ARIH1: variants seen among roughly 807,000 people sequenced by gnomAD.
ARIH1 encodes ariadne RBR E3 ubiquitin protein ligase 1.
In ARIH1, 8 loss-of-function variants were observed where a neutral mutation model predicts 85.0. The ratio of observed to expected loss-of-function variants is 0.09; its 90% CI spans 0.06 to 0.17. ARIH1 has a LOEUF of 0.17. Among genes scored for constraint, ARIH1 ranks in the 10% least tolerant of loss-of-function variants. ARIH1 has a pLI of 1.00. For synonymous variants in ARIH1, 238 were observed against 253.6 expected (o/e 0.94, Z 0.59); for missense variants, 311 against 718.1 (o/e 0.43, Z 6.48).
In ARIH1 at chr15:72,585,665, C is replaced by G. The variant is rs1225841725; in HGVS notation, c.*2373C>G. Reference sequence around the variant, plus strand: ...AGTCTTCACCCATGGAGGAACAGTGCTTTTTAGAGATGCTTTCTATTTCAA... The same window carrying G: ...AGTCTTCACCCATGGAGGAACAGTGGTTTTTAGAGATGCTTTCTATTTCAA... On this transcript the variant is annotated 3_prime_UTR_variant, in exon 14 of 14. Transcript: ENST00000379887. 1 of 152,158 alleles carries G rather than the reference C, an allele frequency of 6.6e-6. No individual in the cohort carries two copies. The highest frequency in any genetic ancestry group is 1.5e-5 in the Non-Finnish European group (1 of 68,022). 9.4% of individuals were successfully genotyped at this position (152,158 alleles called of 1,614,324 possible). A position where few individuals can be genotyped will look rare whatever the true frequency, so the allele number is the denominator to read the frequency against.
At chr15:72,532,846 A>G (rs1470432764) in intron 2 of ARIH1, among the ~76,000 whole-genome samples, 1 of 152,260 alleles carries the variant, frequency 6.6e-6, no homozygotes, top group Non-Finnish European at 1.5e-5. Context: ...GATGAGAAAA[A>G]CATTTCAGAG....
At chr15:72,505,181 G>A (rs1460059955) in intron 1 of ARIH1, among the ~76,000 whole-genome samples, 4 of 152,156 alleles carry the variant, frequency 2.6e-5, no homozygotes, top group Non-Finnish European at 5.9e-5. Flanking sequence ...TGGCTGTTGG[G>A]ACCTGGGATT....
intron 7 of ARIH1, 136 bp downstream of exon 7, chr15:72,563,636 T>C: frequency 1.5e-6 from 1 of 670,152 alleles, no homozygotes; most frequent in East Asian, 2.9e-5. Flanking sequence ...TAAAATAGTA[T>C]ATATCTCTTT....
At chr15:72,479,554 G>C (rs1197031614) in intron 1 of ARIH1, among the ~76,000 whole-genome samples, 1 of 150,910 alleles carries the variant, frequency 6.6e-6, no homozygotes, top group Non-Finnish European at 1.5e-5. Flanking sequence ...GACTACAGGT[G>C]CGCGCCACCA....
At chr15:72,491,548 CAG>C (rs1231166933) in intron 1 of ARIH1, among the ~76,000 whole-genome samples, 1 of 152,066 alleles carries the variant, frequency 6.6e-6, no homozygotes, top group Non-Finnish European at 1.5e-5. Context: ...AGTGAAAAGT[CAG>C]ATATGAATGA....
Position 72,589,045 on chromosome 15 carries a change from T to C in ARIH1, c.*5753T>C, listed in dbSNP as rs1375992027. On this transcript the variant is annotated 3_prime_UTR_variant, in exon 14 of 14. Coordinates refer to ENST00000379887, the MANE Select transcript of ARIH1 (RefSeq NM_005744.5). The stretch of plus-strand genomic sequence containing the variant: ...ATAGTAGTAAGAATATTGGTATTTC[T>C]CAGCCATAGATTTCCCTTTTGTAAA... 6.6e-6 allele frequency: 1 copy of C among 152,216 alleles called. No individual in the cohort carries two copies. Among genetic ancestry groups the C allele is most frequent in the Non-Finnish European group, 1.5e-5 (1 of 68,038 alleles). 9.4% of individuals were successfully genotyped at this position (152,216 alleles called of 1,614,324 possible). A position where few individuals can be genotyped will look rare whatever the true frequency, so the allele number is the denominator to read the frequency against.
intron 1 of ARIH1, among the ~76,000 whole-genome samples, chr15:72,486,483 T>C (rs2063837895): frequency 6.6e-6 from 1 of 152,150 alleles, no homozygotes; most frequent in Non-Finnish European, 1.5e-5. Flanking sequence ...ACTGAGGGTC[T>C]TGGGACATGT....
intron 2 of ARIH1, among the ~76,000 whole-genome samples, chr15:72,526,149 G>A (rs931380513): frequency 6.6e-6 from 1 of 151,930 alleles, no homozygotes; most frequent in African/African-American, 2.4e-5. Flanking sequence ...TCCTTATTTC[G>A]ATATATTTAA....
intron 11 of ARIH1, among the ~76,000 whole-genome samples, chr15:72,577,146 C>G (rs2064275356): frequency 6.6e-6 from 1 of 151,836 alleles, no homozygotes; most frequent in Admixed American, 6.6e-5. Context: ...CCATGCCTGG[C>G]TAATTTTTTT....
chr15:72,500,666 C>T (rs1366785044), intron 1 of ARIH1, among the ~76,000 whole-genome samples: 3 of 152,042 alleles, frequency 2.0e-5, no homozygotes, highest in East Asian at 3.8e-4. Context: ...GTGCATGTAG[C>T]GTGCCAGATC....
chr15:72,561,555 T>C lies in ARIH1; in HGVS notation c.804+6T>C. On this transcript the variant is annotated splice_donor_region_variant and intron_variant, in intron 6 of 13. Transcript: ENST00000379887. ...TAACAAATAGCTTTGTAGAGGTAAG[T>C]GATTTGTTTTCCTTCTTGTAAGAAG... The C allele has an allele frequency of 6.6e-7, 1 of 1,506,708 alleles. No individual in the cohort carries two copies. Among genetic ancestry groups the C allele is most frequent in the Non-Finnish European group, 9.1e-7 (1 of 1,100,490 alleles). The allele number at this position is 1,506,708 out of a possible 1,614,324, so 93.3% of individuals were successfully genotyped here. A position where few individuals can be genotyped will look rare whatever the true frequency, so the allele number is the denominator to read the frequency against.
At chr15:72,483,167 A>G (rs890397422) in intron 1 of ARIH1, among the ~76,000 whole-genome samples, 22 of 151,988 alleles carry the variant, frequency 1.4e-4, no homozygotes, top group African/African-American at 5.3e-4. Flanking sequence ...TGGCCTGGGT[A>G]GCAGTCCTCA....
intron 10 of ARIH1, among the ~76,000 whole-genome samples, chr15:72,570,784 A>G (rs1244957842): frequency 6.6e-6 from 1 of 152,214 alleles, no homozygotes; most frequent in African/African-American, 2.4e-5. Flanking sequence ...TCTTTAAATA[A>G]GCATATATAT....
At chr15:72,561,329 T>TA in intron 5 of ARIH1, 154 bp from the exon 6 acceptor site, 1 of 621,522 alleles carries the variant, frequency 1.6e-6, no homozygotes, top group Non-Finnish European at 2.8e-6. Flanking sequence ...TCAGTACAGT[T>TA]ATATTTGTTG....
intron 1 of ARIH1, among the ~76,000 whole-genome samples, chr15:72,479,793 TTTAA>T (rs1421059844): frequency 6.6e-6 from 1 of 152,210 alleles, no homozygotes; most frequent in Non-Finnish European, 1.5e-5. Context: ...ATTTCACTTA[TTTAA>T]TTAAGAGATT....
chr15:72,488,098 C>T (rs377644405), intron 1 of ARIH1, among the ~76,000 whole-genome samples: 4 of 152,274 alleles, frequency 2.6e-5, no homozygotes, highest in African/African-American at 9.6e-5. Flanking sequence ...TGCAGTGGCA[C>T]GATCACGGCT....
At chr15:72,552,823 G>A in intron 3 of ARIH1, among the ~76,000 whole-genome samples, 1 of 150,520 alleles carries the variant, frequency 6.6e-6, no homozygotes, top group East Asian at 2.0e-4. Context: ...CACCCAAGCT[G>A]GAGTGCGGTG....
chr15:72,517,289 A>G (rs982441675), intron 1 of ARIH1, among the ~76,000 whole-genome samples: 1 of 152,170 alleles, frequency 6.6e-6, no homozygotes, highest in Non-Finnish European at 1.5e-5. Context: ...TTTTTAAAAG[A>G]GACTGGGTCT....
chr15:72,518,251 T>C, intron 2 of ARIH1, 117 bp downstream of exon 2: 1 of 757,120 alleles, frequency 1.3e-6, no homozygotes, highest in Non-Finnish European at 2.1e-6. Flanking sequence ...GACAACCCAG[T>C]GTGCAACTAG....
Sources: allele counts gnomAD v4.1 joint callset (sites outside exome capture counted in the v4.1 genomes callset), GRCh38; gene constraint gnomAD v4.1.1; transcripts MANE v1.5; gene names NCBI Gene and HGNC (gene_info 2026-07-23, HGNC 2026-07-21).